Variants in LHFPL3 observed in about 807,000 individuals in gnomAD.
The protein encoded by LHFPL3 is LHFPL tetraspan subfamily member 3 protein.
LHFPL3 carries 5 observed loss-of-function variants against 19.3 expected under a neutral mutation model. The ratio of observed to expected loss-of-function variants is 0.26; its 90% CI spans 0.14 to 0.54. The LOEUF is 0.54. Ranked by LOEUF, LHFPL3 falls within the 20% of genes least tolerant of loss-of-function variation. The pLI, the probability that LHFPL3 is intolerant of heterozygous loss-of-function variation, is 0.94. For synonymous variants in LHFPL3, 133 were observed against 126.2 expected (o/e 1.05, Z -0.36); for missense variants, 249 against 307.4 (o/e 0.81, Z 1.42).
At chr7:104,582,288 G>T (rs1433677994) in intron 1 of LHFPL3, among the ~76,000 whole-genome samples, 4 of 151,806 alleles carry the variant, frequency 2.6e-5, no homozygotes, top group Non-Finnish European at 5.9e-5. Context: ...ATATATAGAA[G>T]TGCTGTTGAT....
intron 2 of LHFPL3, among the ~76,000 whole-genome samples, chr7:104,889,025 A>T (rs1236183364): frequency 6.6e-6 from 1 of 152,206 alleles, no homozygotes; most frequent in African/African-American, 2.4e-5. Flanking sequence ...GAAAAAAAAG[A>T]AGTAAAGGTA....
chr7:104,734,098 G>C (rs1292617173), intron 1 of LHFPL3, among the ~76,000 whole-genome samples: 1 of 152,206 alleles, frequency 6.6e-6, no homozygotes, highest in African/African-American at 2.4e-5. Flanking sequence ...TCAGCTGTTA[G>C]TCTGATGGGC....
intron 1 of LHFPL3, among the ~76,000 whole-genome samples, chr7:104,375,491 T>G (rs1054035216): frequency 2.6e-5 from 4 of 152,122 alleles, no homozygotes; most frequent in Non-Finnish European, 5.9e-5. Context: ...ATTAAGATAT[T>G]AGAGGTTCTG....
intron 1 of LHFPL3, among the ~76,000 whole-genome samples, chr7:104,396,700 T>C (rs187179402): frequency 6.6e-6 from 1 of 151,054 alleles, no homozygotes; most frequent in Non-Finnish European, 1.5e-5. Context: ...CTCATGCATG[T>C]CATCCCTGCA....
Position 104,736,890 on chromosome 7 carries a change from G to A in LHFPL3, c.661G>A (p.Glu221Lys), listed in dbSNP as rs1793834834. ...GNRQDSLMAE[E>K]LKAENKVLLS... ...TCGACAAGACAGCTTGATGGCAGAGGAACTGAAGGCAGAAAACAAAGGTAA... is the reference window on the plus strand; with the variant it reads ...TCGACAAGACAGCTTGATGGCAGAGAAACTGAAGGCAGAAAACAAAGGTAA... Residue 221 changes from glutamate (E) to lysine (K), a missense_variant, in exon 2 of 3, where the codon GAA becomes AAA. Physicochemically the swap from Glu to Lys is moderately conservative, Grantham distance 56 (BLOSUM62 1). Coordinates refer to ENST00000424859, the MANE Select transcript of LHFPL3 (RefSeq NM_199000.3). 2 of 1,606,138 alleles carry A rather than the reference G, an allele frequency of 1.2e-6. No homozygotes were observed. The highest frequency in any genetic ancestry group is 2.7e-5 in the African/African-American group (2 of 74,822).
chr7:104,607,504 T>G lies in LHFPL3; in HGVS notation c.446-129171T>G, dbSNP rs186119912. Among the ~76,000 whole-genome samples the G allele has an allele frequency of 3.7e-3, 560 of 152,342 alleles. 3 individuals carry two copies. The highest frequency in any genetic ancestry group is 7.0e-3 in the South Asian group (34 of 4,832). ...CAAAGGCTTTGCAAAGCCCCTTGTTTAATATTTCCTCTATAAGTCATCACC... is the reference window on the plus strand; with the variant it reads ...CAAAGGCTTTGCAAAGCCCCTTGTTGAATATTTCCTCTATAAGTCATCACC... On this transcript the variant is annotated intron_variant, in intron 1 of 2. Coordinates refer to ENST00000424859, the MANE Select transcript of LHFPL3 (RefSeq NM_199000.3).
chr7:104,662,826 T>C (rs928509436), intron 1 of LHFPL3, among the ~76,000 whole-genome samples: 2 of 152,218 alleles, frequency 1.3e-5, no homozygotes, highest in African/African-American at 4.8e-5. Context: ...AAAAACTTTG[T>C]AGGATTGCAA....
At chr7:104,542,566 G>A (rs1794506344) in intron 1 of LHFPL3, among the ~76,000 whole-genome samples, 1 of 152,080 alleles carries the variant, frequency 6.6e-6, no homozygotes, top group Non-Finnish European at 1.5e-5. Context: ...TCCCCAAAGT[G>A]GAATCTTGGC....
chr7:104,662,795 C>T (rs567093420), intron 1 of LHFPL3, among the ~76,000 whole-genome samples: 5 of 152,228 alleles, frequency 3.3e-5, no homozygotes, highest in African/African-American at 1.2e-4. Flanking sequence ...AATGTTGACT[C>T]AAAATAATTT....
chr7:104,729,419 ATGT>A (rs1793649401), intron 1 of LHFPL3, among the ~76,000 whole-genome samples: 1 of 152,152 alleles, frequency 6.6e-6, no homozygotes, highest in Non-Finnish European at 1.5e-5. Flanking sequence ...GTATAATATA[ATGT>A]TGTTAACTAA....
chr7:104,532,451 G>A (rs1054311001), intron 1 of LHFPL3, among the ~76,000 whole-genome samples: 1 of 150,716 alleles, frequency 6.6e-6, no homozygotes, highest in Non-Finnish European at 1.5e-5. Flanking sequence ...ATGAGCCACT[G>A]TGCCCTGCTA....
chr7:104,506,501 A>C (rs1444442259), intron 1 of LHFPL3, among the ~76,000 whole-genome samples: 1 of 152,170 alleles, frequency 6.6e-6, no homozygotes, highest in African/African-American at 2.4e-5. Flanking sequence ...TCAAGTCCTG[A>C]GGCTGTGTTA....
At chr7:104,580,880 C>T (rs923881720) in intron 1 of LHFPL3, among the ~76,000 whole-genome samples, 1 of 151,856 alleles carries the variant, frequency 6.6e-6, no homozygotes, top group African/African-American at 2.4e-5. Context: ...TATTTTTTAT[C>T]TTGAGTAATA....
chr7:104,637,692 G>T (rs919417675), intron 1 of LHFPL3, among the ~76,000 whole-genome samples: 1 of 152,114 alleles, frequency 6.6e-6, no homozygotes. Context: ...GATGGTTGTA[G>T]ATGTCCAGCC....
rs3080461 is a variant in LHFPL3 at position 104,332,946 on chromosome 7, G to GAA, written c.445+3734_445+3735dup. 9.4e-3 allele frequency among the ~76,000 whole-genome samples: 1,392 copies of GAA among 148,340 alleles called. 13 individuals carry two copies. Among genetic ancestry groups the GAA allele is most frequent in the African/African-American group, 0.025 (1,006 of 40,768 alleles). ...TGTAGAAAGGCAATTTCTTCAGAAG[G>GAA]AAAAAAAAAAAAAGAGGCTTTCTGT... On this transcript the variant is annotated intron_variant, in intron 1 of 2. Transcript: ENST00000424859.
At chr7:104,366,727 A>C (rs7792363) in intron 1 of LHFPL3, among the ~76,000 whole-genome samples, 49,410 of 152,030 alleles carry the variant, frequency 0.33, 8,179 homozygotes, top group East Asian at 0.46. Flanking sequence ...TGCCAGTATG[A>C]ATGCATTTTA....
intron 2 of LHFPL3, among the ~76,000 whole-genome samples, chr7:104,833,221 T>C (rs1386830255): frequency 3.4e-5 from 3 of 89,376 alleles, no homozygotes; most frequent in South Asian, 3.5e-4. Context: ...GGGACATACT[T>C]ACTTGTATTA....
chr7:104,695,509 G>C (rs1325088638), intron 1 of LHFPL3, among the ~76,000 whole-genome samples: 1 of 152,324 alleles, frequency 6.6e-6, no homozygotes, highest in South Asian at 2.1e-4. Context: ...GGTGAGAAAT[G>C]CTGATGAACA....
At chr7:104,800,056 T>G (rs1790214811) in intron 2 of LHFPL3, 1 of 152,596 alleles carries the variant, frequency 6.6e-6, no homozygotes, top group Admixed American at 6.5e-5. Flanking sequence ...GGTCCTTTGG[T>G]GCTGAAATGT....
Sources: allele counts gnomAD v4.1 joint callset (sites outside exome capture counted in the v4.1 genomes callset), GRCh38; gene constraint gnomAD v4.1.1; transcripts MANE v1.5; gene names NCBI Gene and HGNC (gene_info 2026-07-23, HGNC 2026-07-21).